The following CDH1 variants were observed in gnomAD, a reference collection of about 807,000 sequenced individuals.
CDH1 encodes cadherin-1.
Under a neutral mutation model 84.5 loss-of-function variants are expected in CDH1, and 35 were observed. The ratio of observed to expected loss-of-function variants is 0.41; its 90% CI spans 0.32 to 0.55. The LOEUF (loss-of-function observed/expected upper bound fraction) is 0.55, where lower values mean the gene tolerates loss of function less well. CDH1 is among the 20% of genes least tolerant of loss of function. The pLI, the probability that CDH1 is intolerant of heterozygous loss-of-function variation, is 0.19. For missense variants in CDH1, 994 were observed against 1,126.6 expected (o/e 0.88, Z 1.68); for synonymous variants, 417 against 439.0 (o/e 0.95, Z 0.63).
At chr16:68,782,776 T>A (rs1959920412) in intron 2 of CDH1, among the ~76,000 whole-genome samples, 1 of 152,152 alleles carries the variant, frequency 6.6e-6, no homozygotes, top group Admixed American at 6.6e-5. Context: ...GTGAGCCCGT[T>A]TCCTGCCCCT....
chr16:68,824,688 A>G (rs1363014138), intron 13 of CDH1, among the ~76,000 whole-genome samples: 1 of 152,266 alleles, frequency 6.6e-6, no homozygotes, highest in Non-Finnish European at 1.5e-5. Flanking sequence ...TTTCTGCCAT[A>G]GTCCTTAAAC....
intron 14 of CDH1, 58 bp downstream of exon 14, chr16:68,828,362 G>A (rs2152141686): frequency 6.3e-7 from 1 of 1,584,154 alleles, no homozygotes; most frequent in Non-Finnish European, 8.7e-7. Flanking sequence ...AAGAAGCAAT[G>A]ATTAGTAAGA....
At chr16:68,764,083 G>T (rs935598367) in intron 2 of CDH1, among the ~76,000 whole-genome samples, 1 of 152,124 alleles carries the variant, frequency 6.6e-6, no homozygotes, top group Non-Finnish European at 1.5e-5. Flanking sequence ...GGGTTTTTTT[G>T]TTTGTTTACT....
At chr16:68,816,770 T>A (rs1173792426) in intron 10 of CDH1, among the ~76,000 whole-genome samples, 2 of 115,346 alleles carry the variant, frequency 1.7e-5, no homozygotes, top group African/African-American at 3.2e-5. Context: ...ACAAAAAAAC[T>A]CTCATTTTCT....
intron 2 of CDH1, among the ~76,000 whole-genome samples, chr16:68,758,881 C>T (rs757485384): frequency 2.6e-5 from 4 of 151,498 alleles, no homozygotes; most frequent in African/African-American, 7.3e-5. Context: ...CTGCAACTTC[C>T]GCCTCCCGGG....
intron 2 of CDH1, among the ~76,000 whole-genome samples, chr16:68,782,698 C>T (rs1285187212): frequency 6.6e-6 from 1 of 152,104 alleles, no homozygotes; most frequent in Non-Finnish European, 1.5e-5. Flanking sequence ...TCCGCTGGCC[C>T]ACATCTTACC....
At chr16:68,806,583 T>A (rs991372996) in intron 3 of CDH1, among the ~76,000 whole-genome samples, 1 of 152,240 alleles carries the variant, frequency 6.6e-6, no homozygotes, top group African/African-American at 2.4e-5. Flanking sequence ...GCACTTACTA[T>A]GTTTCAGGCA....
chr16:68,791,982 G>A (rs563932386), intron 2 of CDH1, among the ~76,000 whole-genome samples: 168 of 151,914 alleles, frequency 1.1e-3, no homozygotes, highest in African/African-American at 3.8e-3. Flanking sequence ...GTGCAGTGGC[G>A]TGATCTCAGC....
intron 2 of CDH1, among the ~76,000 whole-genome samples, chr16:68,776,346 A>G (rs1384787529): frequency 1.3e-5 from 2 of 152,194 alleles, no homozygotes; most frequent in African/African-American, 2.4e-5. Context: ...TACTTTTACT[A>G]TTTTTAATAA....
rs1555517864 is a variant in CDH1, at chr16:68,829,719, T to C, written c.2361T>C (p.Val787=). 1.2e-6 allele frequency: 2 copies of C among 1,614,146 alleles called. No homozygotes were observed. Among genetic ancestry groups the C allele is most frequent in the African/African-American group, 2.7e-5 (2 of 75,052 alleles). Residue 787 remains valine, a synonymous_variant, in exon 15 of 16, where the codon GTT becomes GTC. Coordinates refer to ENST00000261769, the MANE Select transcript of CDH1 (RefSeq NM_004360.5). ...DARPEVTRND[V]APTLMSVPRY... ...GGCCTGAAGTGACTCGTAACGACGT[T>C]GCACCAACCCTCATGAGTGTCCCCC...
intron 2 of CDH1, among the ~76,000 whole-genome samples, chr16:68,792,782 G>T (rs1197754719): frequency 2.0e-5 from 3 of 152,142 alleles, no homozygotes; most frequent in Non-Finnish European, 4.4e-5. Context: ...AAGGGTAAAG[G>T]GTCCTGGGCT....
rs8056633 is a variant in CDH1 at position 68,813,681 on chromosome 16, T to G, written c.1320+186T>G. ...GCTCATGTAAGAAATCAAGAAACTG[T>G]GCTGTGTGTGGTGGCTCACGCCTGT... On this transcript the variant is annotated intron_variant, in intron 9 of 15. Transcript: ENST00000261769. 183,848 of 738,802 alleles carry G rather than the reference T, an allele frequency of 0.25. 29,042 individuals carry two copies. The highest frequency in any genetic ancestry group is 0.66 in the African/African-American group (38,826 of 58,496). 45.8% of individuals were successfully genotyped at this position (738,802 alleles called of 1,614,324 possible). A position where few individuals can be genotyped will look rare whatever the true frequency, so the allele number is the denominator to read the frequency against.
chr16:68,743,340 TTTCTTTCTTTCTTTCTTTC>T (rs771321673), intron 2 of CDH1, among the ~76,000 whole-genome samples: 2,130 of 38,650 alleles, frequency 0.055, 208 homozygotes, highest in Middle Eastern at 0.09. Context: ...TCTTTCTTTC[TTTCTTTCTTTCTTTCTTTC>T]TTTCTTTTCT....
intron 2 of CDH1, among the ~76,000 whole-genome samples, chr16:68,758,167 A>G (rs1425824713): frequency 1.8e-5 from 2 of 113,542 alleles, no homozygotes; most frequent in African/African-American, 6.9e-5. Flanking sequence ...CTCTATCCCA[A>G]CCCCACCCCA....
In CDH1 at chr16:68,764,405, C is replaced by T. The variant is rs377536713; in HGVS notation, c.163+25994C>T. 8.5e-5 allele frequency among the ~76,000 whole-genome samples: 13 copies of T among 152,274 alleles called. No individual in the cohort carries two copies. The East Asian group carries it at 2.5e-3, about 29-fold the overall frequency. ...CAGCCTGGCCAACATGGCGAATCCC[C>T]ATCTCTACTAAAAATACAAAAATTA... is the stretch of plus-strand genomic sequence containing the variant. On this transcript the variant is annotated intron_variant, in intron 2 of 15. Transcript: ENST00000261769.
intron 5 of CDH1, among the ~76,000 whole-genome samples, chr16:68,809,488 C>T (rs1287912972): frequency 6.6e-6 from 1 of 151,034 alleles, no homozygotes; most frequent in Non-Finnish European, 1.5e-5. Flanking sequence ...AGGAGGGAGC[C>T]ACTGCACCCG....
Position 68,835,001 on chromosome 16 carries a change from G to A in CDH1, c.*1502G>A, listed in dbSNP as rs35350395. 81 of 232,192 alleles carry A rather than the reference G, an allele frequency of 3.5e-4. No homozygotes were observed. In the East Asian group the frequency reaches 4.7e-3, roughly 13 times the overall value. 14.4% of individuals were successfully genotyped at this position (232,192 alleles called of 1,614,324 possible). Reference sequence around the variant, plus strand: ...CATGTGTTTCTGACACAAGATCCGTGGTTTGTACTCAAAGCCCAGAATCCC... The same window carrying A: ...CATGTGTTTCTGACACAAGATCCGTAGTTTGTACTCAAAGCCCAGAATCCC... On this transcript the variant is annotated 3_prime_UTR_variant, in exon 16 of 16. Transcript: ENST00000261769.
intron 3 of CDH1, among the ~76,000 whole-genome samples, chr16:68,806,262 A>G (rs952074923): frequency 2.7e-5 from 4 of 150,508 alleles, no homozygotes; most frequent in Non-Finnish European, 5.9e-5. Context: ...AGCAATTCTC[A>G]CGCCTCAGCC....
At chr16:68,752,949 C>T (rs1221929441) in intron 2 of CDH1, among the ~76,000 whole-genome samples, 1 of 152,184 alleles carries the variant, frequency 6.6e-6, no homozygotes, top group Non-Finnish European at 1.5e-5. Flanking sequence ...CAGCATCCTT[C>T]AGACCCATGA....
Sources: gnomAD v4.1 joint callset for allele counts (sites outside exome capture counted in the v4.1 genomes callset) on GRCh38, gnomAD v4.1.1 for gene constraint, MANE v1.5 for transcripts, NCBI Gene and HGNC (gene_info 2026-07-23, HGNC 2026-07-21) for gene names.